The following PRR16 variants were observed in gnomAD, a reference collection of about 807,000 sequenced individuals.
The protein encoded by PRR16 is proline rich 16, also known as protein Largen.
Under a neutral mutation model 18.2 loss-of-function variants are expected in PRR16, and 6 were observed. That is an observed-to-expected ratio of 0.33 (90% CI 0.18 to 0.65). The LOEUF is 0.65. Among genes scored for constraint, PRR16 ranks in the 30% least tolerant of loss-of-function variants. PRR16 has a pLI of 0.74. For missense variants in PRR16, 412 were observed against 376.6 expected, an observed-to-expected ratio of 1.09 and a Z score of -0.78; for synonymous variants, 151 against 147.8, an observed-to-expected ratio of 1.02 and a Z score of -0.16.
At chr5:120,670,446 CA>C in intron 1 of PRR16, among the ~76,000 whole-genome samples, 1 of 152,196 alleles carries the variant, frequency 6.6e-6, no homozygotes, top group South Asian at 2.1e-4. Flanking sequence ...TCATTGTTTT[CA>C]AATTTTATGT....
At chr5:120,508,329 T>C (rs2112853192) in intron 1 of PRR16, among the ~76,000 whole-genome samples, 1 of 152,296 alleles carries the variant, frequency 6.6e-6, no homozygotes, top group East Asian at 1.9e-4. Context: ...TTTGACTTCT[T>C]GTTATGCAAA....
At chr5:120,470,850 T>G (rs1440762231) in intron 1 of PRR16, among the ~76,000 whole-genome samples, 1 of 152,172 alleles carries the variant, frequency 6.6e-6, no homozygotes, top group Non-Finnish European at 1.5e-5. Flanking sequence ...GAAGCTTCAT[T>G]GCCAGGTAGC....
intron 1 of PRR16, among the ~76,000 whole-genome samples, chr5:120,540,844 A>G (rs1751890259): frequency 6.8e-6 from 1 of 147,916 alleles, no homozygotes; most frequent in South Asian, 2.2e-4. Flanking sequence ...TTAATATTAT[A>G]TACTGCTACT....
At chr5:120,550,421 A>G (rs532963697) in intron 1 of PRR16, among the ~76,000 whole-genome samples, 62 of 152,192 alleles carry the variant, frequency 4.1e-4, no homozygotes, top group Non-Finnish European at 6.3e-4. Context: ...TCCTGAGTTC[A>G]GTGGTGAATA....
At chr5:120,505,824 C>T (rs1317547455) in intron 1 of PRR16, among the ~76,000 whole-genome samples, 2 of 151,540 alleles carry the variant, frequency 1.3e-5, no homozygotes, top group Non-Finnish European at 2.9e-5. Context: ...AAATTTACTG[C>T]TTCTCTTCTG....
intron 1 of PRR16, among the ~76,000 whole-genome samples, chr5:120,612,668 C>A (rs1198187242): frequency 6.6e-6 from 1 of 152,156 alleles, no homozygotes; most frequent in Non-Finnish European, 1.5e-5. Context: ...TCCAATTAAA[C>A]CTCTTTTTCT....
the PRR16 span, among the ~76,000 whole-genome samples, chr5:120,756,389 G>A: frequency 6.6e-6 from 1 of 152,130 alleles, no homozygotes; most frequent in African/African-American, 2.4e-5. Flanking sequence ...CTTCCAAAGT[G>A]GTTGAACAAA....
At chr5:120,509,479 G>C (rs1230368303) in intron 1 of PRR16, among the ~76,000 whole-genome samples, 1 of 152,030 alleles carries the variant, frequency 6.6e-6, no homozygotes, top group Non-Finnish European at 1.5e-5. Context: ...GTTTTTCTCA[G>C]AGTGAGGCGT....
chr5:120,615,377 T>G (rs79021493), intron 1 of PRR16, among the ~76,000 whole-genome samples: 3,094 of 144,590 alleles, frequency 0.021, 31 homozygotes, highest in South Asian at 0.04. Flanking sequence ...TTCTTTTTCT[T>G]TCTTTTCTTT....
At chr5:120,658,253 A>G (rs886645211) in intron 1 of PRR16, 1 of 151,740 alleles carries the variant, frequency 6.6e-6, no homozygotes, top group Non-Finnish European at 1.5e-5. Flanking sequence ...CTCCAGTGTG[A>G]CATGTATGTC....
intron 1 of PRR16, among the ~76,000 whole-genome samples, chr5:120,476,666 C>T (rs1749452353): frequency 6.6e-6 from 1 of 152,006 alleles, no homozygotes; most frequent in Non-Finnish European, 1.5e-5. Context: ...ACAATCCTCC[C>T]CTACCTCTCA....
chr5:120,505,985 A>G (rs1358123385), intron 1 of PRR16, among the ~76,000 whole-genome samples: 2 of 150,266 alleles, frequency 1.3e-5, no homozygotes, highest in Non-Finnish European at 3.0e-5. Flanking sequence ...TTTTTTCTAC[A>G]TAGAGTGCAT....
chr5:120,765,310 AGTCT>A, the PRR16 span, among the ~76,000 whole-genome samples: 1 of 152,112 alleles, frequency 6.6e-6, no homozygotes, highest in East Asian at 1.9e-4. Flanking sequence ...AATGTATCTT[AGTCT>A]GTTTTTGATG....
At chr5:120,474,800 G>C (rs1749386965) in intron 1 of PRR16, among the ~76,000 whole-genome samples, 1 of 152,022 alleles carries the variant, frequency 6.6e-6, no homozygotes, top group Admixed American at 6.6e-5. Context: ...TAGGATTTGG[G>C]AGAAAAAAAG....
chr5:120,597,592 TAC>T (rs1753855262), intron 1 of PRR16, among the ~76,000 whole-genome samples: 1 of 151,842 alleles, frequency 6.6e-6, no homozygotes, highest in South Asian at 2.1e-4. Flanking sequence ...ACAGATTTAT[TAC>T]ATCAGGTCCC....
chr5:120,762,608 G>C, the PRR16 span, among the ~76,000 whole-genome samples: 8 of 152,068 alleles, frequency 5.3e-5, no homozygotes, highest in South Asian at 2.1e-4. Context: ...GTCTATACAG[G>C]TTCTTTGCCC....
At chr5:120,786,938 G>T in the PRR16 span, among the ~76,000 whole-genome samples, 2 of 152,094 alleles carry the variant, frequency 1.3e-5, no homozygotes, top group African/African-American at 4.8e-5. Flanking sequence ...GACCCTTGAA[G>T]TGCTTGAAAA....
intron 1 of PRR16, among the ~76,000 whole-genome samples, chr5:120,547,808 A>G (rs1202526441): frequency 2.6e-5 from 4 of 152,086 alleles, no homozygotes; most frequent in Non-Finnish European, 4.4e-5. Context: ...GATATAATAT[A>G]TACTTATTTC....
intron 1 of PRR16, among the ~76,000 whole-genome samples, chr5:120,571,104 G>A (rs1752891719): frequency 6.6e-6 from 1 of 152,260 alleles, no homozygotes; most frequent in South Asian, 2.1e-4. Context: ...AATAAGCCAT[G>A]TTTTAAAAAT....
Sources: gnomAD v4.1 joint callset for allele counts (sites outside exome capture counted in the v4.1 genomes callset) on GRCh38, gnomAD v4.1.1 for gene constraint, MANE v1.5 for transcripts, NCBI Gene and HGNC (gene_info 2026-07-23, HGNC 2026-07-21) for gene names.